The following LURAP1L variants were observed in gnomAD, a reference collection of about 807,000 sequenced individuals.
LURAP1L encodes the protein leucine rich adaptor protein 1 like, also known as leucine rich adaptor protein 1-like.
A neutral mutation model predicts 13.8 loss-of-function variants in LURAP1L; 12 were observed. The observed-to-expected ratio is 0.87, with a 90% confidence interval of 0.56 to 1.41. The LOEUF (loss-of-function observed/expected upper bound fraction) is 1.41, where lower values mean the gene tolerates loss of function less well. Ranked by LOEUF, LURAP1L falls within the 40% of genes most tolerant of loss-of-function variation. The pLI, the probability that LURAP1L is intolerant of heterozygous loss-of-function variation, is 0.00. For synonymous variants in LURAP1L, 139 were observed against 119.2 expected (o/e 1.17, Z -1.08); for missense variants, 375 against 292.9 (o/e 1.28, Z -2.04).
rs1398857705 is a variant in LURAP1L at position 12,775,455 on chromosome 9, G to C, written c.-261G>C. On this transcript the variant is annotated 5_prime_UTR_variant, in exon 1 of 2. Coordinates refer to ENST00000319264, the MANE Select transcript of LURAP1L (RefSeq NM_203403.2). ...CTTTGCAGTGAGGTGGCCAAAAAGA[G>C]AGAGAATGAGGAGATCTTGATCATC... 2.3e-6 allele frequency: 1 copy of C among 433,006 alleles called. No individual in the cohort carries two copies. The highest frequency in any genetic ancestry group is 4.0e-6 in the Non-Finnish European group (1 of 252,400). The allele number at this position is 433,006 out of a possible 1,614,324, so 26.8% of individuals were successfully genotyped here. A position where few individuals can be genotyped will look rare whatever the true frequency, so the allele number is the denominator to read the frequency against.
chr9:12,796,900 T>C (rs1819518257), intron 1 of LURAP1L, among the ~76,000 whole-genome samples: 1 of 151,508 alleles, frequency 6.6e-6, no homozygotes, highest in Admixed American at 6.6e-5. Context: ...GATAATCATT[T>C]CTACCATTTA....
At chr9:12,797,210 G>A (rs915251416) in intron 1 of LURAP1L, among the ~76,000 whole-genome samples, 1 of 151,772 alleles carries the variant, frequency 6.6e-6, no homozygotes, top group Non-Finnish European at 1.5e-5. Flanking sequence ...TTTACTTATG[G>A]AAACTATACT....
At chr9:12,802,366 T>A (rs1819599129) in intron 1 of LURAP1L, among the ~76,000 whole-genome samples, 1 of 152,178 alleles carries the variant, frequency 6.6e-6, no homozygotes, top group African/African-American at 2.4e-5. Context: ...TGGTTTCACA[T>A]CACTCTCCTT....
At position 12,799,830 on chromosome 9, in the gene LURAP1L, T is replaced by C. The variant is rs572048115; in HGVS notation, c.313-21556T>C. ...CGGAGCTTGCAGTGAGCTGAGATCG[T>C]GCCACTGCACTCCAGCCTGGGCGAC... On this transcript the variant is annotated intron_variant, in intron 1 of 1. Coordinates refer to ENST00000319264, the MANE Select transcript of LURAP1L (RefSeq NM_203403.2). 9.2e-4 allele frequency among the ~76,000 whole-genome samples: 131 copies of C among 143,116 alleles called. 1 individual carries two copies. The highest frequency in any genetic ancestry group is 1.4e-3 in the Non-Finnish European group (92 of 67,164). The allele number at this position is 143,116 out of a possible 152,430, so 93.9% of individuals were successfully genotyped here. A position where few individuals can be genotyped will look rare whatever the true frequency, so the allele number is the denominator to read the frequency against.
In LURAP1L at chr9:12,775,525, C is replaced by A; in HGVS notation, c.-191C>A. ...AGCGGACTGGGAACTGCAGCTGCGA[C>A]CCCCCGCGTCCTGTGCGGATTTCAG... On this transcript the variant is annotated 5_prime_UTR_variant, in exon 1 of 2. Transcript: ENST00000319264. 6 of 785,704 alleles carry A rather than the reference C, an allele frequency of 7.6e-6. No homozygotes were observed. Among genetic ancestry groups the A allele is most frequent in the East Asian group, 3.2e-5 (1 of 31,182 alleles). 48.7% of individuals were successfully genotyped at this position (785,704 alleles called of 1,614,324 possible). A position where few individuals can be genotyped will look rare whatever the true frequency, so the allele number is the denominator to read the frequency against.
At chr9:12,784,623 C>G (rs1819323957) in intron 1 of LURAP1L, among the ~76,000 whole-genome samples, 1 of 152,180 alleles carries the variant, frequency 6.6e-6, no homozygotes, top group African/African-American at 2.4e-5. Context: ...ACTACTGCAA[C>G]TGTGCTGAGT....
intron 1 of LURAP1L, among the ~76,000 whole-genome samples, chr9:12,789,540 T>G (rs1819411117): frequency 6.6e-6 from 1 of 152,174 alleles, no homozygotes. Flanking sequence ...CCAAGTAAGA[T>G]TTAGCCATTT....
chr9:12,779,187 T>C (rs1819233365), intron 1 of LURAP1L, among the ~76,000 whole-genome samples: 1 of 152,110 alleles, frequency 6.6e-6, no homozygotes, highest in Non-Finnish European at 1.5e-5. Context: ...ATTTGGTTAC[T>C]TTGGTGAGAC....
chr9:12,777,360 A>G (rs1166206202), intron 1 of LURAP1L: 5 of 985,308 alleles, frequency 5.1e-6, no homozygotes, highest in African/African-American at 1.7e-5. Context: ...AAGATCAGAC[A>G]TACGTGTGGA....
At chr9:12,790,605 AAGG>A (rs1161969975) in intron 1 of LURAP1L, 1 of 152,114 alleles carries the variant, frequency 6.6e-6, no homozygotes, top group Admixed American at 6.6e-5. Flanking sequence ...AATAAAAGAA[AAGG>A]AGATTTACTA....
chr9:12,787,482 G>A (rs1042669464), intron 1 of LURAP1L, among the ~76,000 whole-genome samples: 1 of 152,058 alleles, frequency 6.6e-6, no homozygotes, highest in Non-Finnish European at 1.5e-5. Flanking sequence ...CAAAAAGACA[G>A]AGTCAGTAAT....
At chr9:12,809,757 G>C (rs990000065) in intron 1 of LURAP1L, among the ~76,000 whole-genome samples, 1 of 151,912 alleles carries the variant, frequency 6.6e-6, no homozygotes, top group East Asian at 1.9e-4. Context: ...TTATATTTAT[G>C]TGACTAGGAG....
intron 1 of LURAP1L, among the ~76,000 whole-genome samples, chr9:12,820,512 CCCAA>C (rs76507689): frequency 1.1e-5 from 1 of 88,856 alleles, no homozygotes; most frequent in African/African-American, 4.3e-5. Context: ...CCCCCCCCCC[CCCAA>C]AAAAAAAAAA....
At chr9:12,814,347 G>A (rs746412729) in intron 1 of LURAP1L, 19 of 152,168 alleles carry the variant, frequency 1.2e-4, no homozygotes, top group African/African-American at 4.1e-4. Context: ...AAACTTCTCT[G>A]CTGTGAATAT....
At position 12,819,203 on chromosome 9, in the gene LURAP1L, T is replaced by C. The variant is rs374839230; in HGVS notation, c.313-2183T>C. On this transcript the variant is annotated intron_variant, in intron 1 of 1. Coordinates refer to ENST00000319264, the MANE Select transcript of LURAP1L (RefSeq NM_203403.2). ...AAAAGTAATTTTCTTTGTTACTTCC[T>C]GTGCAATTTATTTTTAGTGCTTTGT... Among the ~76,000 whole-genome samples, 4 of 152,340 alleles carry C rather than the reference T, an allele frequency of 2.6e-5. 1 individual carries two copies.
In LURAP1L at chr9:12,802,510, G is replaced by A. The variant is rs149620729; in HGVS notation, c.313-18876G>A. On this transcript the variant is annotated intron_variant, in intron 1 of 1. Coordinates refer to ENST00000319264, the MANE Select transcript of LURAP1L (RefSeq NM_203403.2). ...CTTTTGCCTTCCTCCATGACAGAAA[G>A]TTTCCTGAGGCCTCTCCAGAAGCTG... Among the ~76,000 whole-genome samples, 572 of 152,308 alleles carry A rather than the reference G, an allele frequency of 3.8e-3. 3 individuals carry two copies. The highest frequency in any genetic ancestry group is 0.013 in the African/African-American group (522 of 41,570).
chr9:12,823,011 T>C lies in LURAP1L; in HGVS notation c.*1251T>C, dbSNP rs930207748. The stretch of plus-strand genomic sequence containing the variant: ...CACATGTTGAATTTATTATTGTTTA[T>C]TTCCAAGGCATGTATTATTCAATTT... On this transcript the variant is annotated 3_prime_UTR_variant, in exon 2 of 2. Transcript: ENST00000319264. Among the ~76,000 whole-genome samples, 18 of 152,236 alleles carry C rather than the reference T, an allele frequency of 1.2e-4. No homozygotes were observed. The highest frequency in any genetic ancestry group is 4.1e-4 in the African/African-American group (17 of 41,468).
chr9:12,784,355 A>C (rs1303043261), intron 1 of LURAP1L, among the ~76,000 whole-genome samples: 2 of 152,304 alleles, frequency 1.3e-5, no homozygotes, highest in South Asian at 2.1e-4. Context: ...GCTTTAAAGA[A>C]GTATTTAAAG....
At chr9:12,797,575 C>G (rs573170782) in intron 1 of LURAP1L, among the ~76,000 whole-genome samples, 1 of 152,086 alleles carries the variant, frequency 6.6e-6, no homozygotes, top group African/African-American at 2.4e-5. Flanking sequence ...AAAATTATCT[C>G]AAATTCTAGT....
Sources: allele counts gnomAD v4.1 joint callset (sites outside exome capture counted in the v4.1 genomes callset), GRCh38; gene constraint gnomAD v4.1.1; transcripts MANE v1.5; gene names NCBI Gene and HGNC (gene_info 2026-07-23, HGNC 2026-07-21).